SLC3A2: variants seen among roughly 807,000 people sequenced by gnomAD.
SLC3A2 encodes the protein solute carrier family 3 member 2.
A neutral mutation model predicts 48.5 loss-of-function variants in SLC3A2; 32 were observed. The observed-to-expected ratio is 0.66, with a 90% CI of 0.50 to 0.89. The LOEUF is 0.89. Among genes scored for constraint, SLC3A2 ranks in the 40% least tolerant of loss-of-function variants. SLC3A2 has a pLI of 0.00. For missense variants in SLC3A2, 587 were observed against 680.7 expected, an observed-to-expected ratio of 0.86 and a Z score of 1.53; for synonymous variants, 277 against 288.8, an observed-to-expected ratio of 0.96 and a Z score of 0.41.
intron 1 of SLC3A2, among the ~76,000 whole-genome samples, chr11:62,873,694 C>G (rs1237258870): frequency 6.6e-6 from 1 of 152,160 alleles, no homozygotes; most frequent in Non-Finnish European, 1.5e-5. Flanking sequence ...TGTCTGGTCT[C>G]AAACTTCTGG....
In SLC3A2 at chr11:62,882,293, G is replaced by T. The variant is rs889727725; in HGVS notation, c.598+227G>T. ...GGTCATTTAACTTCTGGGCTTCAGT[G>T]CCCTTATTTGCAAAATATAGATATT... On this transcript the variant is annotated intron_variant, in intron 2 of 8. Transcript: ENST00000338663. 65 of 523,480 alleles carry T rather than the reference G, an allele frequency of 1.2e-4. No homozygotes were observed. The East Asian group carries it at 2.0e-3, about 16-fold the overall frequency. 32.4% of individuals were successfully genotyped at this position (523,480 alleles called of 1,614,324 possible).
At chr11:62,869,523 CAA>C (rs57962693) in intron 1 of SLC3A2, among the ~76,000 whole-genome samples, 117 of 53,856 alleles carry the variant, frequency 2.2e-3, no homozygotes, top group Non-Finnish European at 2.7e-3. Flanking sequence ...GACTCCATCT[CAA>C]AAAAAAAAAA....
intron 3 of SLC3A2, 134 bp downstream of exon 3, chr11:62,883,133 C>T: frequency 1.4e-6 from 1 of 721,416 alleles, no homozygotes; most frequent in African/African-American, 1.7e-5. Flanking sequence ...AGGAATGCCT[C>T]CTCCTATAGC....
Position 62,882,040 on chromosome 11 carries a change from G to A in SLC3A2, c.572G>A (p.Ser191Asn). The A allele has an allele frequency of 6.2e-7, 1 of 1,614,202 alleles. No individual in the cohort carries two copies. The highest frequency in any genetic ancestry group is 2.2e-5 in the East Asian group (1 of 44,886). Residue 191 changes from serine to asparagine, a missense_variant, in exon 2 of 9, where the codon AGT becomes AAT. By Grantham distance (46) the Ser-to-Asn change is conservative. Coordinates refer to ENST00000338663, the MANE Select transcript of SLC3A2 (RefSeq NM_001013251.3). ...PNFGSKEDFD[S>N]LLQSAKKKSI... ...TTTGGCTCCAAGGAAGATTTTGACA[G>A]TCTCTTGCAATCGGCTAAAAAAAAG...
In SLC3A2 at chr11:62,888,072, C is replaced by A. The variant is rs1463469996; in HGVS notation, c.1144-63C>A. On this transcript the variant is annotated intron_variant, in intron 7 of 8. Transcript: ENST00000338663. ...TTGACCTCCCAGACTGCTGGAATTA[C>A]AGATGTGAGCCACCATGCCTGACCC... 6.9e-6 allele frequency: 10 copies of A among 1,444,488 alleles called. No individual in the cohort carries two copies. In the South Asian group the frequency reaches 9.2e-5, roughly 13 times the overall value. 89.5% of individuals were successfully genotyped at this position (1,444,488 alleles called of 1,614,324 possible). A position where few individuals can be genotyped will look rare whatever the true frequency, so the allele number is the denominator to read the frequency against.
At position 62,881,706 on chromosome 11, in the gene SLC3A2, A is replaced by G; in HGVS notation, c.425-187A>G. 1.2e-6 allele frequency: 1 copy of G among 836,068 alleles called. No individual in the cohort carries two copies. The highest frequency in any genetic ancestry group is 2.7e-5 in the East Asian group (1 of 36,830). The allele number at this position is 836,068 out of a possible 1,614,324, so 51.8% of individuals were successfully genotyped here. On this transcript the variant is annotated intron_variant, in intron 1 of 8. Transcript: ENST00000338663. The surrounding 1 kb of genome is among the most constrained non-coding windows in gnomAD (Gnocchi z 4.0). ...CCCGCGGCGCCAGAAGCCAGTTGCA[A>G]CCGGTTTCTGAAGTAATGTGCAGGA... is the stretch of plus-strand genomic sequence containing the variant.
chr11:62,873,898 GCT>G (rs2085543532), intron 1 of SLC3A2, among the ~76,000 whole-genome samples: 1 of 147,046 alleles, frequency 6.8e-6, no homozygotes, highest in African/African-American at 2.5e-5. Flanking sequence ...AACCTCCTGG[GCT>G]CAAGTGGTCC....
At chr11:62,859,079 G>A (rs904968782) in intron 1 of SLC3A2, among the ~76,000 whole-genome samples, 2 of 152,152 alleles carry the variant, frequency 1.3e-5, no homozygotes, top group Non-Finnish European at 2.9e-5. Context: ...GTGTCGGGCT[G>A]GGGGACAGTC....
intron 1 of SLC3A2, chr11:62,870,732 T>A (rs1250277197): frequency 5.8e-5 from 9 of 156,500 alleles, no homozygotes; most frequent in Non-Finnish European, 9.4e-5. Context: ...ATTATTTTTT[T>A]TTTTTTTTGT....
At chr11:62,861,206 A>T (rs577686923) in intron 1 of SLC3A2, among the ~76,000 whole-genome samples, 2 of 150,456 alleles carry the variant, frequency 1.3e-5, no homozygotes, top group Non-Finnish European at 3.0e-5. Context: ...GTGGTGGTGC[A>T]TGTGTATAGT....
chr11:62,860,270 G>C (rs1248663521), intron 1 of SLC3A2, among the ~76,000 whole-genome samples: 1 of 152,126 alleles, frequency 6.6e-6, no homozygotes, highest in Non-Finnish European at 1.5e-5. Flanking sequence ...GGGAGGCTGA[G>C]GTGGGTGGAT....
At chr11:62,877,297 T>C (rs762738326), upstream of SLC3A2, among the ~76,000 whole-genome samples, 13 of 152,114 alleles carry the variant, frequency 8.5e-5, no homozygotes, top group African/African-American at 1.4e-4. Flanking sequence ...CTGACCTCAA[T>C]TGATCTGCCT....
exon 1 of SLC3A2, chr11:62,856,306 G>T: frequency 6.2e-7 from 1 of 1,613,506 alleles, no homozygotes; most frequent in Non-Finnish European, 8.5e-7. Flanking sequence ...GATCGCCGTC[G>T]TGTCGATTCC....
chr11:62,874,611 A>G (rs954016162), intron 1 of SLC3A2, among the ~76,000 whole-genome samples: 16 of 152,062 alleles, frequency 1.1e-4, no homozygotes, highest in Admixed American at 8.5e-4. Context: ...TGTCCCTCCT[A>G]TAGGATTCAT....
intron 1 of SLC3A2, among the ~76,000 whole-genome samples, chr11:62,870,516 G>C (rs1413962154): frequency 6.6e-6 from 1 of 151,708 alleles, no homozygotes; most frequent in Non-Finnish European, 1.5e-5. Context: ...TTTTGTGATT[G>C]GTGTGAAGTA....
At chr11:62,864,648 A>C (rs911220355) in intron 1 of SLC3A2, among the ~76,000 whole-genome samples, 19 of 151,312 alleles carry the variant, frequency 1.3e-4, no homozygotes, top group Non-Finnish European at 2.8e-4. Context: ...TTGTATTTTT[A>C]GTAGAGACGG....
At position 62,866,083 on chromosome 11, in the gene SLC3A2, C is replaced by T. The variant is rs542228766; in HGVS notation, c.112+9702C>T. 1.1e-4 allele frequency among the ~76,000 whole-genome samples: 17 copies of T among 151,164 alleles called. No homozygotes were observed. The South Asian group carries it at 3.3e-3, about 30-fold the overall frequency. ...TGGTCTCACATAGTACAGTATAGTA[C>T]GTATATCTATTCCAGCATGCCCACT... On this transcript the variant is annotated intron_variant, in intron 1 of 9. Coordinates refer to the SLC3A2 transcript ENST00000377889.
At chr11:62,872,784 T>C (rs975566345) in intron 1 of SLC3A2, among the ~76,000 whole-genome samples, 62 of 152,258 alleles carry the variant, frequency 4.1e-4, no homozygotes, top group African/African-American at 1.3e-3. Context: ...GTATTTTTAG[T>C]AGAGATGGGG....
chr11:62,877,738 C>G (rs1280341944), upstream of SLC3A2, among the ~76,000 whole-genome samples: 2 of 152,228 alleles, frequency 1.3e-5, no homozygotes, highest in African/African-American at 4.8e-5. Flanking sequence ...CCTGAAAAAG[C>G]CTGGTGTGTT....
Sources: gnomAD v4.1 joint callset for allele counts (sites outside exome capture counted in the v4.1 genomes callset) on GRCh38, gnomAD v4.1.1 for gene constraint, Gnocchi (gnomAD v3.1) non-coding constraint, MANE v1.5 for transcripts, NCBI Gene and HGNC (gene_info 2026-07-23, HGNC 2026-07-21) for gene names.